Variants in RYR2 observed in about 807,000 individuals in gnomAD.
RYR2 encodes ryanodine receptor 2.
In RYR2, 227 loss-of-function variants were observed where a neutral mutation model predicts 601.1. The observed-to-expected ratio is 0.38, with a 90% CI of 0.34 to 0.42. The LOEUF (loss-of-function observed/expected upper bound fraction) is 0.42, where lower values mean the gene tolerates loss of function less well. Among genes scored for constraint, RYR2 ranks in the 10% least tolerant of loss-of-function variants. The pLI is 1.00. For missense variants in RYR2, 4,646 were observed against 6,156.5 expected (o/e 0.75, Z 8.21); for synonymous variants, 2,223 against 2,175.1 (o/e 1.02, Z -0.61).
chr1:237,048,971 A>C (rs2148124143), intron 1 of RYR2, among the ~76,000 whole-genome samples: 1 of 152,298 alleles, frequency 6.6e-6, no homozygotes, highest in South Asian at 2.1e-4. Flanking sequence ...GGAAGAATAG[A>C]GGTAAGATCT....
chr1:237,318,597 A>G (rs1281325627), intron 2 of RYR2, among the ~76,000 whole-genome samples: 1 of 152,100 alleles, frequency 6.6e-6, no homozygotes. Flanking sequence ...TCTTGATTGA[A>G]AGGTTTTTTT....
chr1:237,656,134 T>A (rs1021195099), intron 53 of RYR2, 150 bp downstream of exon 53: 2 of 588,982 alleles, frequency 3.4e-6, no homozygotes, highest in African/African-American at 3.9e-5. Context: ...TATAAAACGA[T>A]AGTAATAATA....
At chr1:237,817,752 G>A (rs1253988948) in intron 100 of RYR2, among the ~76,000 whole-genome samples, 1 of 152,212 alleles carries the variant, frequency 6.6e-6, no homozygotes, top group African/African-American at 2.4e-5. Flanking sequence ...TTTGGCAAAG[G>A]AGACTGGAAA....
chr1:237,571,319 T>TC (rs1021133253), intron 29 of RYR2, among the ~76,000 whole-genome samples: 2 of 149,890 alleles, frequency 1.3e-5, no homozygotes, highest in Non-Finnish European at 1.5e-5. Context: ...TCTTTTCTTT[T>TC]TTTTTTTTTT....
At chr1:237,541,653 T>C (rs1337781502) in intron 25 of RYR2, among the ~76,000 whole-genome samples, 1 of 152,144 alleles carries the variant, frequency 6.6e-6, no homozygotes, top group Non-Finnish European at 1.5e-5. Flanking sequence ...TGGGTGCAGG[T>C]GGGCTGAGTC....
chr1:237,646,998 G>A (rs1489546562), intron 48 of RYR2, among the ~76,000 whole-genome samples: 3 of 152,184 alleles, frequency 2.0e-5, no homozygotes, highest in Non-Finnish European at 4.4e-5. Flanking sequence ...AAAAAGCAAA[G>A]CATATAGAGC....
chr1:237,073,593 TG>T (rs1217531818), intron 1 of RYR2, among the ~76,000 whole-genome samples: 1 of 151,794 alleles, frequency 6.6e-6, no homozygotes, highest in Non-Finnish European at 1.5e-5. Flanking sequence ...TGCTTCAGGG[TG>T]GGCACTGTGG....
chr1:237,197,314 TTCAATACACTGTA>T (rs1181631596), intron 1 of RYR2, among the ~76,000 whole-genome samples: 1 of 152,196 alleles, frequency 6.6e-6, no homozygotes, highest in Non-Finnish European at 1.5e-5. Context: ...GCTATAGGAT[TTCAATACACTGTA>T]TCAAGTTAAA....
At chr1:237,387,171 C>A in intron 8 of RYR2, 110 bp from the exon 9 acceptor site, 1 of 911,796 alleles carries the variant, frequency 1.1e-6, no homozygotes, top group Non-Finnish European at 1.8e-6. Context: ...AACAGATGTT[C>A]TCTATGAACA....
In RYR2 at chr1:237,590,810, C is replaced by G. The variant is rs745839967; in HGVS notation, c.3978C>G (p.Gly1326=). The G allele has an allele frequency of 1.9e-5, 30 of 1,613,658 alleles. No individual in the cohort carries two copies. The highest frequency in any genetic ancestry group is 2.4e-5 in the Non-Finnish European group (28 of 1,179,852). The change falls in exon 31 of 105, where the codon GGC becomes GGG. Residue 1326 remains glycine, a synonymous_variant. Coordinates refer to ENST00000366574, the MANE Select transcript of RYR2 (RefSeq NM_001035.3). ...KTVAGGLPGA[G]LFGPKNDLED... ...TGGCTGGAGGGCTCCCTGGGGCTGG[C>G]CTTTTTGGGCCCAAGAATGACTTGG... is the stretch of plus-strand genomic sequence containing the variant.
rs2149352226 is a variant in RYR2 at position 237,783,767 on chromosome 1, A to G, written c.12055A>G (p.Met4019Val). 1.9e-6 allele frequency: 3 copies of G among 1,613,030 alleles called. No homozygotes were observed. The South Asian group carries it at 3.3e-5, about 18-fold the overall frequency. The change falls in exon 90 of 105, where the codon ATG becomes GTG. Residue 4019 changes from methionine (M) to valine (V), a missense_variant. Coordinates refer to ENST00000366574, the MANE Select transcript of RYR2 (RefSeq NM_001035.3). ...GGAGATGATTCTCAAATTTTTTGAC[A>G]TGTTCTTAAAACTAAAGGATTTGAC... ...NVEMILKFFDMFLKLKDLTSS... is the reference protein window; with the variant it reads ...NVEMILKFFDVFLKLKDLTSS...
Position 237,589,956 on chromosome 1 carries a change from G to A in RYR2, c.3762G>A (p.Arg1254=). ...NRDITMWLSK[R]LPQFLQVPSN... ...ATATTACCATGTGGCTGAGCAAGAG[G>A]CTTCCTCAGTTTCTTCAAGTTCCAT... The change falls in exon 30 of 105, where the codon AGG becomes AGA. Residue 1254 remains arginine (R), a synonymous_variant. Coordinates refer to ENST00000366574, the MANE Select transcript of RYR2 (RefSeq NM_001035.3). The A allele has an allele frequency of 6.2e-7, 1 of 1,613,858 alleles. No homozygotes were observed. The highest frequency in any genetic ancestry group is 1.1e-5 in the South Asian group (1 of 91,078).
chr1:237,708,962 G>A lies in RYR2; in HGVS notation c.10006G>A (p.Glu3336Lys). 1 of 1,613,642 alleles carries A rather than the reference G, an allele frequency of 6.2e-7. No homozygotes were observed. The highest frequency in any genetic ancestry group is 2.2e-5 in the East Asian group (1 of 44,870). The change falls in exon 69 of 105, where the codon GAG becomes AAG. Residue 3336 changes from glutamate (E) to lysine (K), a missense_variant. Physicochemically the swap from Glu to Lys is moderately conservative, Grantham distance 56 (BLOSUM62 1). Coordinates refer to ENST00000366574, the MANE Select transcript of RYR2 (RefSeq NM_001035.3). ...LKKKAATVVS[E>K]EDHLKAEARG... ...GAAAAAGGCAGCTACGGTGGTGTCT[G>A]AGGAAGACCACCTGAAAGCTGAGGC... is the stretch of plus-strand genomic sequence containing the variant.
intron 8 of RYR2, among the ~76,000 whole-genome samples, chr1:237,381,032 C>T (rs185435030): frequency 3.0e-4 from 45 of 151,884 alleles, no homozygotes; most frequent in African/African-American, 9.4e-4. Context: ...GAGCTGAGAT[C>T]GCACCATTGC....
chr1:237,813,423 T>C (rs927661068), intron 100 of RYR2, among the ~76,000 whole-genome samples: 7 of 152,202 alleles, frequency 4.6e-5, no homozygotes, highest in African/African-American at 1.7e-4. Flanking sequence ...CTGTATCAGG[T>C]AGTGAGAACA....
At chr1:237,062,901 G>A (rs1663058670) in intron 1 of RYR2, among the ~76,000 whole-genome samples, 1 of 151,784 alleles carries the variant, frequency 6.6e-6, no homozygotes, top group Admixed American at 6.6e-5. Flanking sequence ...CTTGTATTGG[G>A]AGTCTTACAC....
At chr1:237,199,172 C>A (rs1472165424) in intron 1 of RYR2, among the ~76,000 whole-genome samples, 1 of 152,170 alleles carries the variant, frequency 6.6e-6, no homozygotes, top group African/African-American at 2.4e-5. Context: ...AGTCAGAGTT[C>A]TCTGTAGGGA....
At chr1:237,407,639 C>CG (rs1553440257) in intron 10 of RYR2, among the ~76,000 whole-genome samples, 1 of 136,572 alleles carries the variant, frequency 7.3e-6, no homozygotes, top group Non-Finnish European at 1.5e-5. Context: ...TAAATTGAGA[C>CG]GGAGTCTGGC....
chr1:237,786,011 A>G lies in RYR2; in HGVS notation c.13303A>G (p.Thr4435Ala), dbSNP rs374019555. 3.3e-5 allele frequency: 53 copies of G among 1,590,676 alleles called. No individual in the cohort carries two copies. The African/African-American group carries it at 6.6e-4, about 20-fold the overall frequency. Residue 4435 changes from threonine to alanine, a missense_variant, in exon 91 of 105, where the codon ACC becomes GCC. This residue lies in a region of RYR2 where 364 missense variants were observed against 442.9 expected (regional missense o/e 0.82). Transcript: ENST00000366574. The part of the protein sequence containing the change: ...KEEEKEEKEE[T>A]KSEPEKAEGE... The stretch of plus-strand genomic sequence containing the variant: ...AGAAGAAAAGGAAGAAAAAGAAGAA[A>G]CCAAATCTGAACCTGAAAAAGCCGA...
Sources: allele counts gnomAD v4.1 joint callset (sites outside exome capture counted in the v4.1 genomes callset), GRCh38; gene constraint gnomAD v4.1.1; regional missense constraint gnomAD v4.1.1; transcripts MANE v1.5; gene names NCBI Gene and HGNC (gene_info 2026-07-23, HGNC 2026-07-21).